ITFG2: variants seen among roughly 807,000 people sequenced by gnomAD.
ITFG2 encodes integrin alpha FG-GAP repeat containing 2.
ITFG2 carries 36 observed loss-of-function variants against 54.4 expected under a neutral mutation model. The observed-to-expected ratio is 0.66, with a 90% CI of 0.51 to 0.87. ITFG2 has a LOEUF of 0.87. Ranked by LOEUF, ITFG2 falls within the 40% of genes least tolerant of loss-of-function variation. The pLI is 0.00. For missense variants in ITFG2, 524 were observed against 576.7 expected (o/e 0.91, Z 0.94); for synonymous variants, 211 against 225.4 (o/e 0.94, Z 0.57).
chr12:2,859,514 G>C, intron 3 of ITFG2: 1 of 1,614,022 alleles, frequency 6.2e-7, no homozygotes. Flanking sequence ...GTCTCGCTAA[G>C]TGTGGCATTT....
upstream of ITFG2, chr12:2,834,725 G>T (rs200257600): frequency 6.2e-7 from 1 of 1,614,108 alleles, no homozygotes; most frequent in African/African-American, 1.3e-5. Context: ...TGGGTGGCCT[G>T]TTTGAGCCGG....
At chr12:2,849,181 A>G in intron 2 of ITFG2, 1 of 1,488,592 alleles carries the variant, frequency 6.7e-7, no homozygotes, top group Non-Finnish European at 8.9e-7. Context: ...GATTGAGAAC[A>G]CTGGAGCCTG....
At chr12:2,814,149 T>A (rs116226408) in intron 1 of ITFG2, among the ~76,000 whole-genome samples, 4,381 of 152,220 alleles carry the variant, frequency 0.029, 201 homozygotes, top group African/African-American at 0.1. Flanking sequence ...CTCACTGTGT[T>A]AACCAGGCTG....
rs749897172 is a variant in ITFG2, at chr12:2,818,072, C to G, written c.235-34C>G. 5 of 1,609,756 alleles carry G rather than the reference C, an allele frequency of 3.1e-6. No homozygotes were observed. In the East Asian group the frequency reaches 8.9e-5, roughly 29 times the overall value. On this transcript the variant is annotated intron_variant, in intron 3 of 11. Transcript: ENST00000228799. ...AGGCTTGTTTCCAAAACTCCCTCCC[C>G]AGTCCATCTCTACTATACCTCTGTT...
intron 2 of ITFG2, chr12:2,857,275 G>C (rs1312326229): frequency 9.2e-6 from 5 of 545,790 alleles, no homozygotes; most frequent in Non-Finnish European, 9.9e-6. Context: ...CCGGGCAGAA[G>C]AAAAGCAGGG....
chr12:2,820,957 C>A, intron 6 of ITFG2, 85 bp downstream of exon 6: 1 of 1,429,896 alleles, frequency 7.0e-7, no homozygotes, highest in Non-Finnish European at 9.6e-7. Flanking sequence ...TAAAATGGGT[C>A]TGCAGTTGGC....
chr12:2,813,419 TTACTG>T (rs1325355364), intron 1 of ITFG2, among the ~76,000 whole-genome samples: 4 of 152,216 alleles, frequency 2.6e-5, no homozygotes, highest in African/African-American at 9.7e-5. Context: ...CTGCAAATCT[TTACTG>T]AACTGCTCAT....
chr12:2,857,249 G>A (rs1310949960), intron 2 of ITFG2: 6 of 575,984 alleles, frequency 1.0e-5, no homozygotes, highest in Admixed American at 3.0e-5. Flanking sequence ...GCAAAAAACT[G>A]TAACAGGAGC....
intron 2 of ITFG2, chr12:2,849,114 G>T: frequency 9.1e-7 from 1 of 1,095,384 alleles, no homozygotes; most frequent in Non-Finnish European, 1.3e-6. Flanking sequence ...TGGAGAGGCT[G>T]TTCTGCAGAA....
In ITFG2 at chr12:2,824,440, G is replaced by A. The variant is rs933130423; in HGVS notation, c.*247G>A. On this transcript the variant is annotated 3_prime_UTR_variant, in exon 12 of 12. Coordinates refer to ENST00000228799, the MANE Select transcript of ITFG2 (RefSeq NM_018463.4). The stretch of plus-strand genomic sequence containing the variant: ...GGACCTCACCCATCATGCCAGCAGG[G>A]TCATAGGACCCTGGCCTTGTTCCAA... 1.3e-5 allele frequency: 7 copies of A among 525,844 alleles called. No homozygotes were observed. The highest frequency in any genetic ancestry group is 1.1e-4 in the East Asian group (3 of 26,310). The allele number at this position is 525,844 out of a possible 1,614,324, so 32.6% of individuals were successfully genotyped here.
chr12:2,837,433 A>G (rs2098031158), intron 1 of ITFG2, among the ~76,000 whole-genome samples: 1 of 151,848 alleles, frequency 6.6e-6, no homozygotes, highest in Non-Finnish European at 1.5e-5. Context: ...AGCCGAGATC[A>G]CGCCACTGCA....
downstream of ITFG2, chr12:2,826,441 C>T (rs1231582847): frequency 6.6e-6 from 1 of 151,968 alleles, no homozygotes; most frequent in Non-Finnish European, 1.5e-5. Context: ...CTACAAGGCT[C>T]TTCCACACAC....
At position 2,858,783 on chromosome 12, in the gene ITFG2, C is replaced by T. The variant is rs146806643; in HGVS notation, n.620+452C>T. 8.2e-5 allele frequency: 132 copies of T among 1,614,216 alleles called. No individual in the cohort carries two copies. In the East Asian group the frequency reaches 2.3e-3, roughly 28 times the overall value. ...CAGGACCAGGCCTTCTGTCAGAGAA[C>T]GATTGGCTGCAAGGCCAGAAACCTG... is the stretch of plus-strand genomic sequence containing the variant. On this transcript the variant is annotated intron_variant and non_coding_transcript_variant, in intron 3 of 3. Coordinates refer to the ITFG2 transcript ENST00000537710.
chr12:2,813,673 A>G (rs1250370206), intron 1 of ITFG2, among the ~76,000 whole-genome samples: 1 of 152,100 alleles, frequency 6.6e-6, no homozygotes, highest in Non-Finnish European at 1.5e-5. Context: ...TTCTAATGCA[A>G]AGCACTGTAT....
chr12:2,849,379 A>C, intron 2 of ITFG2: 1 of 1,536,188 alleles, frequency 6.5e-7, no homozygotes, highest in Non-Finnish European at 8.7e-7. Context: ...CGCGCTGGGC[A>C]GCAAGGCCAG....
chr12:2,821,929 TC>T (rs2097946456), intron 9 of ITFG2, 137 bp downstream of exon 9: 5 of 629,504 alleles, frequency 7.9e-6, no homozygotes, highest in Admixed American at 3.2e-5. Flanking sequence ...TTTTTTTTTT[TC>T]CTTTTTTTTT....
intron 2 of ITFG2, chr12:2,856,926 G>T (rs2098089154): frequency 1.4e-6 from 1 of 702,900 alleles, no homozygotes; most frequent in Non-Finnish European, 2.6e-6. Context: ...GTACAAAAAG[G>T]TAGGCGGCAG....
At chr12:2,859,146 C>T in intron 3 of ITFG2, 14 of 1,606,632 alleles carry the variant, frequency 8.7e-6, no homozygotes, top group Non-Finnish European at 1.1e-5. Flanking sequence ...AAAAGGTCCT[C>T]CCACTTCCTG....
downstream of ITFG2, among the ~76,000 whole-genome samples, chr12:2,829,086 A>T (rs1344618658): frequency 6.6e-6 from 1 of 152,158 alleles, no homozygotes; most frequent in Non-Finnish European, 1.5e-5. Flanking sequence ...TGGGTTCATA[A>T]GTTTGGGGAA....
Sources: allele counts gnomAD v4.1 joint callset (sites outside exome capture counted in the v4.1 genomes callset), GRCh38; gene constraint gnomAD v4.1.1; transcripts MANE v1.5; gene names NCBI Gene and HGNC (gene_info 2026-07-23, HGNC 2026-07-21).